Variants in CD34 observed in about 807,000 individuals in gnomAD.
CD34 encodes CD34 molecule.
Under a neutral mutation model 40.1 loss-of-function variants are expected in CD34, and 34 were observed. That is an observed-to-expected ratio of 0.85 (90% confidence interval 0.65 to 1.13). The LOEUF (loss-of-function observed/expected upper bound fraction) is 1.13. CD34 is among the 50% of genes most tolerant of loss of function. CD34 has a pLI of 0.00. For synonymous variants in CD34, 209 were observed against 190.0 expected (o/e 1.10, Z -0.82); for missense variants, 426 against 466.9 (o/e 0.91, Z 0.81).
In CD34 at chr1:207,909,703, G is replaced by A. The variant is rs369318851; in HGVS notation, c.79+1299C>T. Among the ~76,000 whole-genome samples the A allele has an allele frequency of 1.8e-4, 27 of 152,306 alleles. No homozygotes were observed. In the East Asian group the frequency reaches 2.7e-3, roughly 15 times the overall value. ...ATTGCAAGCGTGAGCCACTGCGCCC[G>A]GCCGACTCACTCCTGTTATGAGGGC... On this transcript the variant is annotated intron_variant, in intron 1 of 7. Coordinates refer to ENST00000310833, the MANE Select transcript of CD34 (RefSeq NM_001025109.2).
At chr1:207,895,568 G>C (rs1662134805) in intron 4 of CD34, among the ~76,000 whole-genome samples, 1 of 152,164 alleles carries the variant, frequency 6.6e-6, no homozygotes, top group African/African-American at 2.4e-5. Context: ...GCACGAAGTA[G>C]GCCAGACAGC....
intron 6 of CD34, 66 bp from the exon 7 acceptor site, chr1:207,888,912 C>A: frequency 6.6e-7 from 1 of 1,510,258 alleles, no homozygotes; most frequent in South Asian, 1.2e-5. Context: ...CCCGCTCCAG[C>A]CCTCTGTGTG....
At chr1:207,894,621 C>A (rs898360674) in intron 4 of CD34, among the ~76,000 whole-genome samples, 1 of 152,144 alleles carries the variant, frequency 6.6e-6, no homozygotes, top group Non-Finnish European at 1.5e-5. Flanking sequence ...AGTAATCTTA[C>A]ATTTTGGAAA....
At chr1:207,907,209 C>A (rs1466193252) in intron 1 of CD34, among the ~76,000 whole-genome samples, 2 of 152,128 alleles carry the variant, frequency 1.3e-5, no homozygotes, top group African/African-American at 4.8e-5. Context: ...AAATATTAGA[C>A]ATTACTGTGC....
In CD34 at chr1:207,889,628, A is replaced by T. The variant is rs2745953; in HGVS notation, c.598-7T>A. ...TGTCCTTCTTAAACTCCGCCTGGGA[A>T]GACAGAGAAACATGGAGAGCAAGAG... On this transcript the variant is annotated splice_polypyrimidine_tract_variant and splice_region_variant and intron_variant, in intron 4 of 7. Coordinates refer to ENST00000310833, the MANE Select transcript of CD34 (RefSeq NM_001025109.2). The T allele has an allele frequency of 0.26, 414,036 of 1,611,220 alleles. 57,223 individuals carry two copies. Among genetic ancestry groups the T allele is most frequent in the Non-Finnish European group, 0.29 (341,178 of 1,178,596 alleles).
chr1:207,888,778 A>C lies in CD34; in HGVS notation c.876T>G (p.Ile292Met), dbSNP rs1472788751. ...GCAGGGCTCCCGAGGTGACCAGTGC[A>C]ATCAGGGTCTTTTGGGAATAGCTCT... Reference protein sequence around the residue: ...SHQSYSQKTLIALVTSGALLA... With the variant: ...SHQSYSQKTLMALVTSGALLA... The change falls in exon 7 of 8, where the codon ATT (isoleucine) becomes ATG (methionine). Residue 292 changes from isoleucine to methionine, a missense_variant. Physicochemically the swap from Ile to Met is conservative, Grantham distance 10. Coordinates refer to ENST00000310833, the MANE Select transcript of CD34 (RefSeq NM_001025109.2). 3 of 1,614,200 alleles carry C rather than the reference A, an allele frequency of 1.9e-6. No individual in the cohort carries two copies. The highest frequency in any genetic ancestry group is 2.5e-6 in the Non-Finnish European group (3 of 1,180,000).
chr1:207,909,626 C>A (rs1406753089), intron 1 of CD34, among the ~76,000 whole-genome samples: 1 of 152,146 alleles, frequency 6.6e-6, no homozygotes. Flanking sequence ...CCAGGATGGT[C>A]TCGATCTCTT....
intron 4 of CD34, among the ~76,000 whole-genome samples, chr1:207,896,038 T>A (rs2102299839): frequency 6.6e-6 from 1 of 152,340 alleles, no homozygotes; most frequent in African/African-American, 2.4e-5. Flanking sequence ...TCAGGTATAA[T>A]TTTTACAAAT....
chr1:207,899,296 A>T, intron 2 of CD34, 70 bp from the exon 3 acceptor site: 1 of 1,517,954 alleles, frequency 6.6e-7, no homozygotes, highest in Non-Finnish European at 9.1e-7. Context: ...TCAGGTCATG[A>T]TATGGGCATG....
chr1:207,888,623 G>A, intron 7 of CD34, 59 bp downstream of exon 7: 1 of 1,547,678 alleles, frequency 6.5e-7, no homozygotes, highest in Non-Finnish European at 8.9e-7. Flanking sequence ...GACATCCACT[G>A]AACTCCCCAG....
At chr1:207,889,648 C>T (rs773454669) in intron 4 of CD34, 27 bp from the exon 5 acceptor site, 1 of 1,612,238 alleles carries the variant, frequency 6.2e-7, no homozygotes, top group Admixed American at 1.7e-5. Context: ...ACATGGAGAG[C>T]AAGAGATGAA....
In CD34 at chr1:207,911,001, C is replaced by T; in HGVS notation, c.79+1G>A. 6.3e-7 allele frequency: 1 copy of T among 1,584,544 alleles called. No homozygotes were observed. Among genetic ancestry groups the T allele is most frequent in the Non-Finnish European group, 8.6e-7 (1 of 1,168,362 alleles). The stretch of plus-strand genomic sequence containing the variant: ...GGCCGCGGCGCGCGGGCGGTACTCA[C>T]GCAGCAAACTCAGCAAGCAAAGCGC... On this transcript the variant is annotated splice_donor_variant, in intron 1 of 7. Coordinates refer to ENST00000310833, the MANE Select transcript of CD34 (RefSeq NM_001025109.2). LOFTEE classifies it high-confidence loss of function.
Position 207,887,592 on chromosome 1 carries a change from GGGCCCC to G in CD34, c.*140_*145del. 1 of 1,153,020 alleles carries G rather than the reference GGGCCCC, an allele frequency of 8.7e-7. No homozygotes were observed. Among genetic ancestry groups the G allele is most frequent in the Admixed American group, 2.4e-5 (1 of 41,576 alleles). The allele number at this position is 1,153,020 out of a possible 1,614,324, so 71.4% of individuals were successfully genotyped here. A position where few individuals can be genotyped will look rare whatever the true frequency, so the allele number is the denominator to read the frequency against. On this transcript the variant is annotated 3_prime_UTR_variant, in exon 8 of 8. Coordinates refer to ENST00000310833, the MANE Select transcript of CD34 (RefSeq NM_001025109.2). ...TTTACCTGCCCCTCCTCAAGGTGTA[GGGCCCC>G]AAGAACAGCCTCTGAGGTGTGTGCA...
chr1:207,899,616 A>C (rs1257416671), intron 2 of CD34, among the ~76,000 whole-genome samples: 1 of 152,212 alleles, frequency 6.6e-6, no homozygotes, highest in African/African-American at 2.4e-5. Flanking sequence ...TCAGCTCCCA[A>C]GACATGGGCC....
chr1:207,893,507 C>T (rs1446734571), intron 4 of CD34, among the ~76,000 whole-genome samples: 2 of 152,126 alleles, frequency 1.3e-5, no homozygotes, highest in East Asian at 1.9e-4. Context: ...CAAGTGGGGG[C>T]AGCTAACGAA....
chr1:207,890,160 G>T, intron 4 of CD34: 1 of 1,039,476 alleles, frequency 9.6e-7, no homozygotes, highest in African/African-American at 1.7e-5. Context: ...TTTTTGTCTC[G>T]TCTTCCATCT....
intron 4 of CD34, among the ~76,000 whole-genome samples, chr1:207,896,762 AT>A (rs1185474799): frequency 1.3e-5 from 2 of 152,168 alleles, no homozygotes; most frequent in South Asian, 2.1e-4. Context: ...AAAGAAAAAA[AT>A]AATTTACATT....
In CD34 at chr1:207,884,945, G is replaced by A. The variant is rs1571763410; in HGVS notation, c.*2793C>T. On this transcript the variant is annotated 3_prime_UTR_variant, in exon 8 of 8. Transcript: ENST00000310833. ...TCATGACATCCAACTGGAGTAACAC[G>A]GAGGACTCGGCAGAAGAGTAGGATG... The A allele has an allele frequency of 2.0e-5, 3 of 152,098 alleles. No individual in the cohort carries two copies. Among genetic ancestry groups the A allele is most frequent in the Admixed American group, 6.5e-5 (1 of 15,276 alleles). 9.4% of individuals were successfully genotyped at this position (152,098 alleles called of 1,614,324 possible). A position where few individuals can be genotyped will look rare whatever the true frequency, so the allele number is the denominator to read the frequency against.
chr1:207,897,354 T>C (rs1265941759), intron 4 of CD34, 139 bp downstream of exon 4: 4 of 620,548 alleles, frequency 6.4e-6, no homozygotes, highest in Non-Finnish European at 1.2e-5. Context: ...AGCTCAGTAT[T>C]AAAGGCAGGC....
Sources: allele counts gnomAD v4.1 joint callset (sites outside exome capture counted in the v4.1 genomes callset), GRCh38; gene constraint gnomAD v4.1.1; transcripts MANE v1.5; gene names NCBI Gene and HGNC (gene_info 2026-07-23, HGNC 2026-07-21).